SLC71A1: variants seen among roughly 807,000 people sequenced by gnomAD.
The protein encoded by SLC71A1 is hippocampus abundant gene transcript 1.
At chr1:100,050,661 T>C in the SLC71A1 span, among the ~76,000 whole-genome samples, 1 of 152,186 alleles carries the variant, frequency 6.6e-6, no homozygotes, top group Admixed American at 6.5e-5. Flanking sequence ...ATATACTATG[T>C]TTTCATGAAG....
At chr1:100,042,411 A>G in the SLC71A1 span, among the ~76,000 whole-genome samples, 4,762 of 152,246 alleles carry the variant, frequency 0.031, 271 homozygotes, top group African/African-American at 0.11. Context: ...TTTTAATTAA[A>G]TAGGAGTCAG....
chr1:100,069,987 ATATT>A, the SLC71A1 span, among the ~76,000 whole-genome samples: 2 of 152,228 alleles, frequency 1.3e-5, no homozygotes. Context: ...CATTCAACAA[ATATT>A]TATTGAATAC....
chr1:100,074,309 C>T, the SLC71A1 span, among the ~76,000 whole-genome samples: 1 of 152,102 alleles, frequency 6.6e-6, no homozygotes, highest in Non-Finnish European at 1.5e-5. Flanking sequence ...GCACGGTGGC[C>T]CACACCTATA....
At chr1:100,051,093 A>C in the SLC71A1 span, among the ~76,000 whole-genome samples, 1 of 147,524 alleles carries the variant, frequency 6.8e-6, no homozygotes. Flanking sequence ...CTCAAAAAAA[A>C]AAAACAAAAA....
At chr1:100,070,157 A>C in the SLC71A1 span, among the ~76,000 whole-genome samples, 1 of 152,172 alleles carries the variant, frequency 6.6e-6, no homozygotes, top group Non-Finnish European at 1.5e-5. Flanking sequence ...TAAGGGTCAT[A>C]TGGAGAGTGA....
the SLC71A1 span, among the ~76,000 whole-genome samples, chr1:100,077,471 G>T: frequency 1.3e-5 from 2 of 152,090 alleles, no homozygotes; most frequent in Non-Finnish European, 2.9e-5. Flanking sequence ...TTAAAAAGGT[G>T]ACCTTTTATA....
chr1:100,042,364 G>A, the SLC71A1 span, among the ~76,000 whole-genome samples: 16 of 152,268 alleles, frequency 1.1e-4, no homozygotes, highest in African/African-American at 3.6e-4. Context: ...CCCTGGATAA[G>A]CAGAGCACCA....
chr1:100,065,242 A>G, the SLC71A1 span, among the ~76,000 whole-genome samples: 1 of 152,258 alleles, frequency 6.6e-6, no homozygotes, highest in East Asian at 1.9e-4. Context: ...ATTGATAGCT[A>G]GATGTTTGAA....
chr1:100,051,136 T>C, the SLC71A1 span, among the ~76,000 whole-genome samples: 3 of 149,602 alleles, frequency 2.0e-5, no homozygotes, highest in Non-Finnish European at 3.0e-5. Context: ...CTCACACCTG[T>C]AATCCCAGTA....
the SLC71A1 span, chr1:100,038,165 G>A: frequency 1.4e-5 from 19 of 1,365,256 alleles, no homozygotes; most frequent in Non-Finnish European, 1.9e-5. Context: ...GTGGTGGGAC[G>A]GCACTAGCTG....
chr1:100,077,168 A>G, the SLC71A1 span: 8 of 1,289,428 alleles, frequency 6.2e-6, no homozygotes, highest in East Asian at 2.3e-5. Flanking sequence ...TTTTCAGACC[A>G]TAGTCTTGAG....
chr1:100,067,831 A>G, the SLC71A1 span: 36,862 of 690,754 alleles, frequency 0.053, 1,581 homozygotes, highest in African/African-American at 0.18. Context: ...CCCCACAAGA[A>G]AAAAAGATAA....
the SLC71A1 span, chr1:100,082,002 G>T: frequency 6.2e-7 from 1 of 1,609,756 alleles, no homozygotes; most frequent in South Asian, 1.1e-5. Context: ...TTCTTCCTCA[G>T]AATTCCATCA....
At chr1:100,057,284 A>G in the SLC71A1 span, among the ~76,000 whole-genome samples, 9 of 151,208 alleles carry the variant, frequency 6.0e-5, no homozygotes, top group African/African-American at 1.9e-4. Flanking sequence ...TATAAATAAA[A>G]TTTTATTGGA....
At chr1:100,045,344 T>G in the SLC71A1 span, among the ~76,000 whole-genome samples, 1 of 152,216 alleles carries the variant, frequency 6.6e-6, no homozygotes, top group Non-Finnish European at 1.5e-5. Context: ...TGTCATTGAT[T>G]TTGTATCCTG....
the SLC71A1 span, among the ~76,000 whole-genome samples, chr1:100,042,855 C>T: frequency 1.3e-5 from 2 of 152,108 alleles, no homozygotes; most frequent in African/African-American, 4.8e-5. Context: ...GGTGATCCAC[C>T]TGCCTCAGTC....
chr1:100,063,847 C>A, the SLC71A1 span, among the ~76,000 whole-genome samples: 1 of 152,210 alleles, frequency 6.6e-6, no homozygotes, highest in East Asian at 1.9e-4. Context: ...TTTTTCTGAG[C>A]AGAAAGAAAT....
chr1:100,073,007 C>T, the SLC71A1 span, among the ~76,000 whole-genome samples: 4 of 152,096 alleles, frequency 2.6e-5, no homozygotes, highest in African/African-American at 7.2e-5. Context: ...AATCTGGGTT[C>T]CATCCCTTGC....
the SLC71A1 span, chr1:100,058,636 G>A: frequency 8.5e-7 from 1 of 1,175,046 alleles, no homozygotes; most frequent in Non-Finnish European, 1.3e-6. Context: ...AATATAGCAT[G>A]TGATTTTTAT....
Sources: gnomAD v4.1 joint callset for allele counts (sites outside exome capture counted in the v4.1 genomes callset) on GRCh38, gnomAD v4.1.1 for gene constraint, MANE v1.5 for transcripts, NCBI Gene and HGNC (gene_info 2026-07-23, HGNC 2026-07-21) for gene names.